Variants in SLC17A1 observed in about 807,000 individuals in gnomAD.
SLC17A1 encodes the protein sodium-dependent phosphate transport protein 1.
In SLC17A1, 51 loss-of-function variants were observed where a neutral mutation model predicts 53.5. The ratio of observed to expected loss-of-function variants is 0.95; its 90% CI spans 0.76 to 1.20. SLC17A1 has a LOEUF of 1.20. Among genes scored for constraint, SLC17A1 ranks in the 50% most tolerant of loss-of-function variants. The pLI is 0.00. For missense variants in SLC17A1, 538 were observed against 568.2 expected (o/e 0.95, Z 0.54); for synonymous variants, 179 against 198.8 (o/e 0.90, Z 0.84).
chr6:25,798,430 T>C (rs1214617901), intron 12 of SLC17A1, among the ~76,000 whole-genome samples: 3 of 152,250 alleles, frequency 2.0e-5, no homozygotes, highest in Non-Finnish European at 4.4e-5. Context: ...CTTGATATTA[T>C]AGCACTTGCC....
the SLC17A1 span, chr6:25,726,228 G>A: frequency 7.4e-6 from 12 of 1,612,912 alleles, no homozygotes; most frequent in Admixed American, 5.0e-5. Flanking sequence ...CAATGGTCAC[G>A]CCGCCCAAAA....
At chr6:25,732,159 G>A in the SLC17A1 span, 1 of 443,316 alleles carries the variant, frequency 2.3e-6, no homozygotes, top group Non-Finnish European at 4.0e-6. Flanking sequence ...GCAAGCTCCA[G>A]CATGTTTATC....
chr6:25,812,259 G>T (rs1261844543), intron 8 of SLC17A1, among the ~76,000 whole-genome samples: 1 of 152,180 alleles, frequency 6.6e-6, no homozygotes. Flanking sequence ...ACAGAATGCG[G>T]CAAAGTGGTA....
At chr6:25,726,361 A>G in the SLC17A1 span, 4 of 1,614,124 alleles carry the variant, frequency 2.5e-6, no homozygotes, top group East Asian at 2.2e-5. Context: ...GAGATACTCT[A>G]ACACTGCCGC....
the SLC17A1 span, chr6:25,732,549 G>A: frequency 3.7e-3 from 2,157 of 583,156 alleles, 21 homozygotes; most frequent in African/African-American, 0.019. Flanking sequence ...CAAGGGCAAC[G>A]ATGCCGAGAG....
At chr6:25,769,417 G>T in the SLC17A1 span, among the ~76,000 whole-genome samples, 4 of 152,156 alleles carry the variant, frequency 2.6e-5, no homozygotes, top group East Asian at 7.7e-4. Flanking sequence ...AATCAGCCAG[G>T]CATGGTCATA....
chr6:25,764,299 C>T, the SLC17A1 span, among the ~76,000 whole-genome samples: 1 of 152,106 alleles, frequency 6.6e-6, no homozygotes, highest in Non-Finnish European at 1.5e-5. Context: ...GTGGGAAAGG[C>T]ACTGAGAACA....
chr6:25,796,765 G>C (rs942114184), intron 12 of SLC17A1, among the ~76,000 whole-genome samples: 1 of 152,072 alleles, frequency 6.6e-6, no homozygotes, highest in Non-Finnish European at 1.5e-5. Flanking sequence ...CAACCCACTT[G>C]GATTTTCTAA....
the SLC17A1 span, among the ~76,000 whole-genome samples, chr6:25,724,360 T>C: frequency 6.6e-6 from 1 of 151,978 alleles, no homozygotes; most frequent in African/African-American, 2.4e-5. Context: ...GAGCTGGAGG[T>C]TGTAATGAGC....
chr6:25,741,445 C>CG, the SLC17A1 span, among the ~76,000 whole-genome samples: 6 of 145,922 alleles, frequency 4.1e-5, no homozygotes, highest in Non-Finnish European at 9.0e-5. Flanking sequence ...AAGGGCGCAG[C>CG]GGGTCACGCC....
the SLC17A1 span, among the ~76,000 whole-genome samples, chr6:25,773,935 T>C: frequency 8.5e-5 from 13 of 152,180 alleles, no homozygotes; most frequent in Admixed American, 3.9e-4. Context: ...TTTTCATATA[T>C]ACTATTCATA....
the SLC17A1 span, among the ~76,000 whole-genome samples, chr6:25,736,557 G>T: frequency 2.6e-5 from 4 of 152,102 alleles, no homozygotes; most frequent in African/African-American, 4.8e-5. Context: ...CAAACAAGGG[G>T]TATGGCTGGT....
intron 1 of SLC17A1, 21 bp from the exon 2 acceptor site, chr6:25,830,628 G>A: frequency 1.3e-6 from 2 of 1,570,606 alleles, no homozygotes; most frequent in Admixed American, 1.7e-5. Context: ...AAAACACGTT[G>A]ATGTCAGCAT....
chr6:25,770,604 C>A, the SLC17A1 span: 1 of 794,116 alleles, frequency 1.3e-6, no homozygotes, highest in Non-Finnish European at 2.1e-6. Context: ...CTACCCCATA[C>A]TGCCTTACTT....
chr6:25,796,705 A>T (rs1354366033), intron 12 of SLC17A1, among the ~76,000 whole-genome samples: 1 of 152,092 alleles, frequency 6.6e-6, no homozygotes, highest in Non-Finnish European at 1.5e-5. Context: ...TTATTAATAA[A>T]TTTTCCAGGA....
the SLC17A1 span, among the ~76,000 whole-genome samples, chr6:25,746,785 C>T: frequency 1.3e-5 from 2 of 152,142 alleles, no homozygotes; most frequent in East Asian, 1.9e-4. Context: ...TCCAACCTTG[C>T]GTATCCCCTT....
chr6:25,727,949 G>A, the SLC17A1 span, among the ~76,000 whole-genome samples: 24 of 151,606 alleles, frequency 1.6e-4, no homozygotes, highest in African/African-American at 5.6e-4. Context: ...CCCAGGAGCC[G>A]GAGATTGCAG....
chr6:25,775,751 C>A, the SLC17A1 span, among the ~76,000 whole-genome samples: 1 of 152,120 alleles, frequency 6.6e-6, no homozygotes, highest in Non-Finnish European at 1.5e-5. Context: ...TATATTCTTT[C>A]TTTGTTTCTT....
the SLC17A1 span, chr6:25,777,885 G>C: frequency 6.6e-7 from 1 of 1,525,750 alleles, no homozygotes. Context: ...TTCAAACGTA[G>C]GTATACTTGG....
Sources: allele counts gnomAD v4.1 joint callset (sites outside exome capture counted in the v4.1 genomes callset), GRCh38; gene constraint gnomAD v4.1.1; transcripts MANE v1.5; gene names NCBI Gene and HGNC (gene_info 2026-07-23, HGNC 2026-07-21).